TCF7L2: variants seen among roughly 807,000 people sequenced by gnomAD.
TCF7L2 encodes transcription factor 7 like 2, also known as transcription factor 7-like 2.
A neutral mutation model predicts 77.9 loss-of-function variants in TCF7L2; 23 were observed. The observed-to-expected ratio is 0.30, with a 90% CI of 0.21 to 0.42. The LOEUF (loss-of-function observed/expected upper bound fraction) is 0.42. Among genes scored for constraint, TCF7L2 ranks in the 10% least tolerant of loss-of-function variants. The pLI, the probability that TCF7L2 is intolerant of heterozygous loss-of-function variation, is 1.00. For synonymous variants in TCF7L2, 413 were observed against 340.2 expected (o/e 1.21, Z -2.36); for missense variants, 654 against 793.1 (o/e 0.82, Z 2.11).
At chr10:113,126,967 C>T (rs1427106273) in intron 5 of TCF7L2, 2 of 974,732 alleles carry the variant, frequency 2.1e-6, no homozygotes, top group Non-Finnish European at 2.4e-6. Context: ...GCTGCGTCCA[C>T]GGCTGTCCAG....
intron 13 of TCF7L2, among the ~76,000 whole-genome samples, chr10:113,162,377 C>CT (rs953130743): frequency 1.3e-4 from 20 of 150,054 alleles, no homozygotes; most frequent in South Asian, 2.1e-4. Flanking sequence ...GCAAGTCAGA[C>CT]TTTTTTTTTT....
At chr10:112,960,392 C>T (rs77660213) in intron 3 of TCF7L2, among the ~76,000 whole-genome samples, 12 of 152,304 alleles carry the variant, frequency 7.9e-5, no homozygotes, top group East Asian at 7.7e-4. Context: ...GAGTCTTCAC[C>T]GTTCTTCCTC....
chr10:113,013,867 C>G (rs868399456), intron 4 of TCF7L2, among the ~76,000 whole-genome samples: 3 of 151,994 alleles, frequency 2.0e-5, no homozygotes, highest in Non-Finnish European at 4.4e-5. Context: ...CCCCATGACT[C>G]TTTTTTGGCT....
chr10:112,989,088 G>T (rs948365836), intron 4 of TCF7L2, among the ~76,000 whole-genome samples: 2 of 152,114 alleles, frequency 1.3e-5, no homozygotes, highest in African/African-American at 2.4e-5. Flanking sequence ...GTCTAGGTGG[G>T]TTTCTCTTTG....
At chr10:113,071,907 G>T (rs1432243206) in intron 5 of TCF7L2, among the ~76,000 whole-genome samples, 1 of 152,244 alleles carries the variant, frequency 6.6e-6, no homozygotes, top group African/African-American at 2.4e-5. Flanking sequence ...GTGGATGCTG[G>T]AGTAAGTGGA....
At chr10:112,973,579 T>TTTA (rs1415717356) in intron 4 of TCF7L2, among the ~76,000 whole-genome samples, 2 of 116,136 alleles carry the variant, frequency 1.7e-5, no homozygotes, top group Admixed American at 8.0e-5. Flanking sequence ...TTTTTTATTG[T>TTTA]TTAATTTTAA....
rs976821949 is a variant in TCF7L2, at chr10:113,152,426, G to A, written c.1255G>A (p.Ala419Thr). 1.2e-6 allele frequency: 2 copies of A among 1,613,894 alleles called. No homozygotes were observed. The highest frequency in any genetic ancestry group is 1.3e-5 in the African/African-American group (1 of 75,036). Residue 419 changes from alanine to threonine, a missense_variant, in exon 11 of 14, where the codon GCG (alanine) becomes ACG (threonine). By Grantham distance (58) the Ala-to-Thr change is moderately conservative. Coordinates refer to ENST00000627217, the MANE Select transcript of TCF7L2 (RefSeq NM_001146274.2). ...TATGCAACTGTACCCCGGCTGGTCC[G>A]CGCGGGATAACTATGTAGGTGGATC...
At chr10:112,997,720 A>G (rs1309379440) in intron 4 of TCF7L2, among the ~76,000 whole-genome samples, 3 of 152,106 alleles carry the variant, frequency 2.0e-5, no homozygotes, top group Admixed American at 6.5e-5. Context: ...CTTCTGAGTA[A>G]TTTCCATCTT....
intron 5 of TCF7L2, among the ~76,000 whole-genome samples, chr10:113,097,664 A>C (rs950206317): frequency 1.3e-5 from 2 of 149,662 alleles, no homozygotes; most frequent in African/African-American, 2.4e-5. Flanking sequence ...AAAAAAAAAA[A>C]AAAAAAAAAA....
intron 5 of TCF7L2, among the ~76,000 whole-genome samples, chr10:113,095,962 A>C (rs1426312125): frequency 6.6e-6 from 1 of 152,190 alleles, no homozygotes; most frequent in Non-Finnish European, 1.5e-5. Flanking sequence ...GGTCACTCGT[A>C]GAGAAGATTT....
In TCF7L2 at chr10:112,983,996, G is replaced by A. The variant is rs144463282; in HGVS notation, c.450+19372G>A. ...TAACTTCGATTCTCCCAGTCGACTT[G>A]AAAACAACCGTTGTTTTCTTTACAC... On this transcript the variant is annotated intron_variant, in intron 4 of 13. Transcript: ENST00000627217. Among the ~76,000 whole-genome samples the A allele has an allele frequency of 5.5e-3, 839 of 152,310 alleles. 9 individuals carry two copies. Among genetic ancestry groups the A allele is most frequent in the African/African-American group, 0.019 (782 of 41,572 alleles).
chr10:113,126,251 G>C (rs548994794), intron 5 of TCF7L2: 1 of 152,304 alleles, frequency 6.6e-6, no homozygotes, highest in Non-Finnish European at 1.5e-5. Flanking sequence ...AGATAATTAA[G>C]CTCTGGATGT....
intron 13 of TCF7L2, among the ~76,000 whole-genome samples, chr10:113,162,866 G>A (rs2073391584): frequency 6.6e-6 from 1 of 152,110 alleles, no homozygotes; most frequent in Admixed American, 6.6e-5. Flanking sequence ...GTTTCTAAGA[G>A]GCCACTCCTC....
At chr10:113,147,801 G>A (rs2069796798) in intron 8 of TCF7L2, among the ~76,000 whole-genome samples, 1 of 152,104 alleles carries the variant, frequency 6.6e-6, no homozygotes, top group Non-Finnish European at 1.5e-5. Context: ...AGGGATTGGG[G>A]TTAAGCTGAT....
intron 13 of TCF7L2, chr10:113,161,117 T>C (rs564296200): frequency 4.2e-6 from 1 of 237,284 alleles, no homozygotes; most frequent in African/African-American, 2.3e-5. Context: ...TCGAGACACA[T>C]GGAGAAGGGT....
At chr10:113,002,463 C>G (rs1047086579) in intron 4 of TCF7L2, among the ~76,000 whole-genome samples, 1 of 152,118 alleles carries the variant, frequency 6.6e-6, no homozygotes, top group African/African-American at 2.4e-5. Context: ...CCTGCAATGC[C>G]CAGGACAGCC....
chr10:113,153,142 A>G (rs959759193), intron 11 of TCF7L2, among the ~76,000 whole-genome samples: 2 of 152,160 alleles, frequency 1.3e-5, no homozygotes, highest in African/African-American at 4.8e-5. Flanking sequence ...GGTTGTAGGA[A>G]ACACCATGGG....
chr10:113,096,795 G>C (rs896078521), intron 5 of TCF7L2, among the ~76,000 whole-genome samples: 12 of 152,110 alleles, frequency 7.9e-5, no homozygotes, highest in Admixed American at 5.2e-4. Context: ...GCCTGTTTGT[G>C]CTCAGAGTGA....
intron 4 of TCF7L2, among the ~76,000 whole-genome samples, chr10:113,022,588 C>T (rs1343470778): frequency 3.9e-5 from 6 of 152,288 alleles, no homozygotes; most frequent in South Asian, 2.1e-4. Context: ...GTGGTTAATA[C>T]GCGTATCTGC....
Sources: allele counts gnomAD v4.1 joint callset (sites outside exome capture counted in the v4.1 genomes callset), GRCh38; gene constraint gnomAD v4.1.1; transcripts MANE v1.5; gene names NCBI Gene and HGNC (gene_info 2026-07-23, HGNC 2026-07-21).